Variants in LIAT1 observed in about 807,000 individuals in gnomAD.
The protein encoded by LIAT1 is protein LIAT1.
At chr17:412,910 C>CTG in the LIAT1 span, among the ~76,000 whole-genome samples, 1 of 152,360 alleles carries the variant, frequency 6.6e-6, no homozygotes, top group African/African-American at 2.4e-5. Context: ...GGCCGATCGC[C>CTG]TTTACCCAGA....
chr17:412,731 AT>A, the LIAT1 span, among the ~76,000 whole-genome samples: 2 of 152,186 alleles, frequency 1.3e-5, no homozygotes, highest in African/African-American at 4.8e-5. Flanking sequence ...AGAACTGGGA[AT>A]GGCCGTGGTG....
chr17:410,500 G>A, the LIAT1 span: 1 of 1,544,728 alleles, frequency 6.5e-7, no homozygotes, highest in South Asian at 1.2e-5. Context: ...GACAACGACG[G>A]CGAGGAGGAG....
chr17:413,145 C>G, the LIAT1 span: 1 of 1,613,490 alleles, frequency 6.2e-7, no homozygotes, highest in Admixed American at 1.7e-5. Context: ...ATCTACTCAG[C>G]AGATAAACAT....
At chr17:413,875 C>T in the LIAT1 span, 16 of 1,590,314 alleles carry the variant, frequency 1.0e-5, no homozygotes, top group African/African-American at 2.1e-4. Context: ...CCCTCAAGGG[C>T]TTCCACCCCG....
At chr17:413,336 C>T in the LIAT1 span, 44 of 1,614,142 alleles carry the variant, frequency 2.7e-5, no homozygotes, top group Non-Finnish European at 3.6e-5. Context: ...CCTTGCGAAT[C>T]GGATCAACGA....
At chr17:414,394 G>T in the LIAT1 span, 1 of 412,922 alleles carries the variant, frequency 2.4e-6, no homozygotes, top group Non-Finnish European at 4.3e-6. This position sits in a 1 kb window ranked among gnomAD's most constrained non-coding sequence, Gnocchi z 4.1. Flanking sequence ...ACAGCTAGAT[G>T]TCTATAATCT....
At chr17:413,624 G>T in the LIAT1 span, 5 of 1,552,368 alleles carry the variant, frequency 3.2e-6, no homozygotes, top group Non-Finnish European at 4.4e-6. Context: ...CGACCCCGAG[G>T]CCCTCAAGGG....
the LIAT1 span, chr17:413,464 C>G: frequency 2.5e-6 from 4 of 1,601,614 alleles, no homozygotes; most frequent in South Asian, 1.1e-5. Flanking sequence ...GCTTCCACCC[C>G]GACCCCGAGG....
the LIAT1 span, chr17:410,575 C>G: frequency 1.3e-6 from 2 of 1,546,456 alleles, no homozygotes; most frequent in Admixed American, 2.0e-5. Context: ...GGCGGCGCCT[C>G]CGAGCTGGCC....
the LIAT1 span, chr17:410,603 G>GA: frequency 1.3e-6 from 2 of 1,544,522 alleles, no homozygotes; most frequent in East Asian, 2.4e-5. Context: ...AGGTGAAGAA[G>GA]AAAAAAAGGA....
chr17:413,513 G>A, the LIAT1 span: 2 of 1,497,212 alleles, frequency 1.3e-6, 1 homozygote, highest in Non-Finnish European at 1.8e-6. Context: ...CGCCCTCAAG[G>A]GCTTCCACCC....
At chr17:412,475 C>A in the LIAT1 span, among the ~76,000 whole-genome samples, 1 of 152,076 alleles carries the variant, frequency 6.6e-6, no homozygotes, top group Admixed American at 6.6e-5. Flanking sequence ...AAGATGATTT[C>A]TTTCTCTCTC....
the LIAT1 span, chr17:413,400 T>C: frequency 6.2e-7 from 1 of 1,614,236 alleles, no homozygotes; most frequent in East Asian, 2.2e-5. Flanking sequence ...AAGGAAAGGA[T>C]TCGCATCTAT....
At chr17:410,722 C>T in the LIAT1 span, 1 of 1,379,208 alleles carries the variant, frequency 7.3e-7, no homozygotes, top group Non-Finnish European at 9.8e-7. Context: ...CCCCATTTAC[C>T]CTTCAGACCG....
chr17:411,253 C>G, the LIAT1 span, among the ~76,000 whole-genome samples: 1 of 152,206 alleles, frequency 6.6e-6, no homozygotes, highest in African/African-American at 2.4e-5. Context: ...TGACATCCTC[C>G]TATAATCCCT....
At chr17:412,348 G>C in the LIAT1 span, among the ~76,000 whole-genome samples, 4 of 148,426 alleles carry the variant, frequency 2.7e-5, no homozygotes, top group Admixed American at 2.7e-4. Context: ...AAATTTGGCA[G>C]TTCATTGTCC....
the LIAT1 span, chr17:414,291 A>G: frequency 1.4e-6 from 1 of 717,458 alleles, no homozygotes; most frequent in South Asian, 1.8e-5. This position sits in a 1 kb window ranked among gnomAD's most constrained non-coding sequence, Gnocchi z 4.1. Context: ...GGAGAGCCAC[A>G]GTGCCTTGAG....
At chr17:413,430 G>C in the LIAT1 span, 1 of 1,614,018 alleles carries the variant, frequency 6.2e-7, no homozygotes, top group Non-Finnish European at 8.5e-7. Flanking sequence ...CGGAGAAAAC[G>C]GTACCGGTGC....
At chr17:410,737 C>G in the LIAT1 span, 2 of 1,256,420 alleles carry the variant, frequency 1.6e-6, no homozygotes, top group Non-Finnish European at 2.2e-6. Context: ...AGACCGGAAA[C>G]AGAAGCTCAG....
Sources: gnomAD v4.1 joint callset for allele counts (sites outside exome capture counted in the v4.1 genomes callset) on GRCh38, gnomAD v4.1.1 for gene constraint, Gnocchi (gnomAD v3.1) non-coding constraint, MANE v1.5 for transcripts, NCBI Gene and HGNC (gene_info 2026-07-23, HGNC 2026-07-21) for gene names.